The following ARHGAP24 variants were observed in gnomAD, a reference collection of about 807,000 sequenced individuals.
The protein encoded by ARHGAP24 is Rho GTPase activating protein 24.
Under a neutral mutation model 76.4 loss-of-function variants are expected in ARHGAP24, and 50 were observed. The ratio of observed to expected loss-of-function variants is 0.65; its 90% CI spans 0.52 to 0.83. ARHGAP24 has a LOEUF of 0.83. Among genes scored for constraint, ARHGAP24 ranks in the 40% least tolerant of loss-of-function variants. The probability of loss-of-function intolerance (pLI) is 0.00; values close to 1 mark genes in which losing one functional copy is unlikely to be tolerated. For synonymous variants in ARHGAP24, 345 were observed against 323.3 expected (o/e 1.07, Z -0.72); for missense variants, 930 against 914.2 (o/e 1.02, Z -0.22).
In ARHGAP24 at chr4:86,001,353, A is replaced by G; in HGVS notation, c.*631A>G. ...CTTTTAAAATTCTTCCCCTGGCACC[A>G]CTCAGTTTTGCTTTTGCGAGGCGAT... On this transcript the variant is annotated 3_prime_UTR_variant, in exon 10 of 10. Transcript: ENST00000395184. The G allele has an allele frequency of 2.5e-6, 1 of 398,794 alleles. No individual in the cohort carries two copies. Among genetic ancestry groups the G allele is most frequent in the Non-Finnish European group, 4.4e-6 (1 of 226,042 alleles). 24.7% of individuals were successfully genotyped at this position (398,794 alleles called of 1,614,324 possible).
intron 2 of ARHGAP24, among the ~76,000 whole-genome samples, chr4:85,657,363 C>G (rs1560572424): frequency 6.6e-6 from 1 of 152,108 alleles, no homozygotes; most frequent in Non-Finnish European, 1.5e-5. Flanking sequence ...AGTTTCATAA[C>G]TAAAGTTTGA....
chr4:85,553,442 C>T (rs1364620537), intron 1 of ARHGAP24, among the ~76,000 whole-genome samples: 1 of 152,070 alleles, frequency 6.6e-6, no homozygotes, highest in Non-Finnish European at 1.5e-5. Flanking sequence ...GCTGATTGGT[C>T]TGTTTTACAG....
intron 5 of ARHGAP24, among the ~76,000 whole-genome samples, chr4:85,961,891 C>T (rs914881574): frequency 1.3e-5 from 2 of 151,976 alleles, no homozygotes; most frequent in African/African-American, 2.4e-5. Context: ...TAAAGTCTCT[C>T]CGATTATGAG....
At chr4:85,573,526 C>A (rs1461052059) in intron 2 of ARHGAP24, among the ~76,000 whole-genome samples, 1 of 152,200 alleles carries the variant, frequency 6.6e-6, no homozygotes, top group African/African-American at 2.4e-5. Context: ...ATGAGTGATA[C>A]TGTTCTCAAC....
chr4:85,501,641 A>G (rs1723820460), intron 1 of ARHGAP24, among the ~76,000 whole-genome samples: 1 of 152,130 alleles, frequency 6.6e-6, no homozygotes, highest in Non-Finnish European at 1.5e-5. Context: ...AGATGGGTAG[A>G]TTGCAAAAAT....
At chr4:85,912,836 G>C (rs1735161602) in intron 3 of ARHGAP24, among the ~76,000 whole-genome samples, 1 of 151,978 alleles carries the variant, frequency 6.6e-6, no homozygotes, top group Non-Finnish European at 1.5e-5. Context: ...GAGTTGTAAA[G>C]AAAACTGCTC....
At chr4:85,478,125 A>T (rs1722674776) in intron 1 of ARHGAP24, among the ~76,000 whole-genome samples, 1 of 152,196 alleles carries the variant, frequency 6.6e-6, no homozygotes, top group Non-Finnish European at 1.5e-5. Flanking sequence ...GTTGGTGATA[A>T]CAAGAGCCTG....
At chr4:85,505,376 G>A (rs1274579502) in intron 1 of ARHGAP24, among the ~76,000 whole-genome samples, 3 of 152,092 alleles carry the variant, frequency 2.0e-5, no homozygotes, top group Admixed American at 6.6e-5. Context: ...CGTTGATTTG[G>A]TCTTTTCACA....
At chr4:85,828,383 T>C (rs1729823255) in intron 3 of ARHGAP24, among the ~76,000 whole-genome samples, 1 of 152,232 alleles carries the variant, frequency 6.6e-6, no homozygotes, top group Non-Finnish European at 1.5e-5. Context: ...ACCCACATTT[T>C]AGTGGTTGAA....
At chr4:85,721,993 G>T in intron 3 of ARHGAP24, 21 bp downstream of exon 3, 1 of 1,599,864 alleles carries the variant, frequency 6.3e-7, no homozygotes, top group South Asian at 1.1e-5. Context: ...TTCCTAGTCT[G>T]ATTAAATTAT....
chr4:85,799,166 G>C (rs1728481689), intron 3 of ARHGAP24, among the ~76,000 whole-genome samples: 2 of 152,172 alleles, frequency 1.3e-5, no homozygotes, highest in South Asian at 4.1e-4. Context: ...CCCAGTAACA[G>C]TGAGCACACT....
chr4:85,692,322 T>C (rs1560588268), intron 2 of ARHGAP24, among the ~76,000 whole-genome samples: 2 of 152,174 alleles, frequency 1.3e-5, no homozygotes. Flanking sequence ...ATGGTCATCT[T>C]ATATAGTATC....
Position 85,672,125 on chromosome 4 carries a change from G to C in ARHGAP24, c.181-49760G>C, listed in dbSNP as rs1017591073. Among the ~76,000 whole-genome samples, 5 of 152,114 alleles carry C rather than the reference G, an allele frequency of 3.3e-5. No individual in the cohort carries two copies. The East Asian group carries it at 5.8e-4, about 18-fold the overall frequency. ...TCTGTTGAGTTTTATGTGTGTAAAT[G>C]AATCAGAAACCATATGGATTAAATT... On this transcript the variant is annotated intron_variant, in intron 2 of 9. Coordinates refer to ENST00000395184, the MANE Select transcript of ARHGAP24 (RefSeq NM_001025616.3).
At chr4:85,786,360 T>A (rs1361939424) in intron 3 of ARHGAP24, among the ~76,000 whole-genome samples, 2 of 152,208 alleles carry the variant, frequency 1.3e-5, no homozygotes, top group Non-Finnish European at 2.9e-5. Context: ...AGGAATAACA[T>A]CTTAGAAATC....
At chr4:85,921,212 C>A (rs1735704272) in intron 3 of ARHGAP24, among the ~76,000 whole-genome samples, 1 of 152,000 alleles carries the variant, frequency 6.6e-6, no homozygotes, top group Non-Finnish European at 1.5e-5. Context: ...AAAAAAAGAA[C>A]AAGATCATGT....
At chr4:85,946,305 C>A (rs1737262582) in intron 5 of ARHGAP24, among the ~76,000 whole-genome samples, 1 of 152,072 alleles carries the variant, frequency 6.6e-6, no homozygotes, top group African/African-American at 2.4e-5. Flanking sequence ...ATATTTTTTC[C>A]TATTGTAAAT....
intron 2 of ARHGAP24, among the ~76,000 whole-genome samples, chr4:85,683,105 T>TGGG (rs1723269220): frequency 7.6e-5 from 1 of 13,198 alleles, no homozygotes; most frequent in Non-Finnish European, 1.3e-4. Flanking sequence ...ACTCTCTCAG[T>TGGG]GTGTGGGGGG....
chr4:85,746,506 A>AT (rs200555391), intron 3 of ARHGAP24, among the ~76,000 whole-genome samples: 221 of 151,244 alleles, frequency 1.5e-3, no homozygotes, highest in Admixed American at 3.1e-3. Flanking sequence ...GTATGATTTC[A>AT]TTTTTTTTTA....
intron 3 of ARHGAP24, among the ~76,000 whole-genome samples, chr4:85,769,685 G>A (rs182285744): frequency 2.8e-4 from 43 of 150,880 alleles, no homozygotes; most frequent in Non-Finnish European, 5.5e-4. Context: ...CTGTCACCGG[G>A]CAAGCGATTC....
Sources: gnomAD v4.1 joint callset for allele counts (sites outside exome capture counted in the v4.1 genomes callset) on GRCh38, gnomAD v4.1.1 for gene constraint, MANE v1.5 for transcripts, NCBI Gene and HGNC (gene_info 2026-07-23, HGNC 2026-07-21) for gene names.